The following IMMP2L variants were observed in gnomAD, a reference collection of about 807,000 sequenced individuals.
IMMP2L encodes the protein inner mitochondrial membrane peptidase subunit 2.
IMMP2L carries 18 observed loss-of-function variants against 19.3 expected under a neutral mutation model. The observed-to-expected ratio is 0.93, with a 90% CI of 0.64 to 1.38. The LOEUF is 1.38. Ranked by LOEUF, IMMP2L falls within the 40% of genes most tolerant of loss-of-function variation. The probability of loss-of-function intolerance (pLI) is 0.00; values close to 1 mark genes in which losing one functional copy is unlikely to be tolerated. For synonymous variants in IMMP2L, 76 were observed against 73.0 expected, an observed-to-expected ratio of 1.04 and a Z score of -0.21; for missense variants, 233 against 218.2, an observed-to-expected ratio of 1.07 and a Z score of -0.43.
chr7:110,976,985 A>G (rs1820764649), intron 3 of IMMP2L, among the ~76,000 whole-genome samples: 1 of 152,036 alleles, frequency 6.6e-6, no homozygotes, highest in South Asian at 2.1e-4. Flanking sequence ...AGTATGAAGC[A>G]TCATAACTCT....
chr7:111,002,410 AAAT>A (rs1823808425), intron 3 of IMMP2L, among the ~76,000 whole-genome samples: 1 of 152,176 alleles, frequency 6.6e-6, no homozygotes, highest in Admixed American at 6.6e-5. Flanking sequence ...CAAATTCCTC[AAAT>A]AAAGAGATGA....
intron 2 of IMMP2L, among the ~76,000 whole-genome samples, chr7:111,500,551 T>A (rs1164485012): frequency 6.6e-6 from 1 of 152,126 alleles, no homozygotes; most frequent in Non-Finnish European, 1.5e-5. Flanking sequence ...ATGGGAGGCA[T>A]CCGCCAGTAC....
intron 3 of IMMP2L, among the ~76,000 whole-genome samples, chr7:111,234,083 G>A (rs948059855): frequency 2.6e-5 from 4 of 151,910 alleles, no homozygotes; most frequent in African/African-American, 4.8e-5. Flanking sequence ...TTTAAGTATT[G>A]TTTTAGCTAC....
chr7:111,313,641 C>A (rs948438752), intron 3 of IMMP2L, among the ~76,000 whole-genome samples: 1 of 151,950 alleles, frequency 6.6e-6, no homozygotes, highest in African/African-American at 2.4e-5. Context: ...GTGACAAATC[C>A]CAGAGTTACA....
intron 3 of IMMP2L, among the ~76,000 whole-genome samples, chr7:110,984,485 A>G (rs1334051253): frequency 6.6e-6 from 1 of 152,100 alleles, no homozygotes. Flanking sequence ...CTAATAATTT[A>G]CGTTGCATAA....
At position 111,387,424 on chromosome 7, in the gene IMMP2L, G is replaced by A. The variant is rs147095279; in HGVS notation, c.239+99814C>T. ...CACAAAATTATTGGACTCAATAACT[G>A]TTCTCATTATTGCAAACCAATAAAC... On this transcript the variant is annotated intron_variant, in intron 3 of 5. Coordinates refer to ENST00000405709, the MANE Select transcript of IMMP2L (RefSeq NM_032549.4). 2.8e-3 allele frequency among the ~76,000 whole-genome samples: 424 copies of A among 152,166 alleles called. 1 individual carries two copies. The highest frequency in any genetic ancestry group is 9.6e-3 in the African/African-American group (397 of 41,528).
intron 3 of IMMP2L, among the ~76,000 whole-genome samples, chr7:111,329,670 C>G (rs1359160784): frequency 1.3e-5 from 2 of 151,768 alleles, no homozygotes; most frequent in Non-Finnish European, 2.9e-5. Flanking sequence ...ACAGCTAAAA[C>G]AACAGGAGAG....
Position 110,762,241 on chromosome 7 carries a change from C to A in IMMP2L, c.409-98520G>T, listed in dbSNP as rs555555858. Among the ~76,000 whole-genome samples the A allele has an allele frequency of 1.2e-4, 18 of 151,962 alleles. 1 individual carries two copies. In the East Asian group the frequency reaches 3.5e-3, roughly 29 times the overall value. ...GGAAAGAGACTTCTGGTAAATGTAT[C>A]ACTTTTTTTTTTTCCCCATCGGCAA... is the stretch of plus-strand genomic sequence containing the variant. On this transcript the variant is annotated intron_variant, in intron 5 of 5. Transcript: ENST00000405709.
chr7:110,853,204 C>CA (rs566376648), intron 5 of IMMP2L, among the ~76,000 whole-genome samples: 6 of 151,760 alleles, frequency 4.0e-5, no homozygotes, highest in African/African-American at 1.2e-4. Flanking sequence ...CACAAATGCA[C>CA]AAAAAATCAT....
rs539323819 is a variant in IMMP2L, at chr7:110,788,806, A to G, written c.408+97787T>C. 2.2e-4 allele frequency among the ~76,000 whole-genome samples: 34 copies of G among 151,892 alleles called. No individual in the cohort carries two copies. The South Asian group carries it at 7.0e-3, about 31-fold the overall frequency. On this transcript the variant is annotated intron_variant, in intron 5 of 5. Transcript: ENST00000405709. ...TCCCATCTTGCTTGCTCTTCTTGCA[A>G]TGTGACCTTGACATGTCTCCCATCA...
chr7:110,852,738 G>T (rs964575428), intron 5 of IMMP2L, among the ~76,000 whole-genome samples: 3 of 151,986 alleles, frequency 2.0e-5, no homozygotes, highest in Admixed American at 1.3e-4. Context: ...GTAGAACCAT[G>T]AAATATTCAT....
At chr7:111,513,906 A>G (rs1226735047) in intron 2 of IMMP2L, among the ~76,000 whole-genome samples, 1 of 152,048 alleles carries the variant, frequency 6.6e-6, no homozygotes, top group Non-Finnish European at 1.5e-5. Flanking sequence ...CCTAGAGAAC[A>G]TTATGTTAAA....
At position 110,701,961 on chromosome 7, in the gene IMMP2L, G is replaced by C. The variant is rs974350042; in HGVS notation, c.409-38240C>G. On this transcript the variant is annotated intron_variant, in intron 5 of 5. Transcript: ENST00000405709. ...TATTTTTATTTTTTTTCTTGAGACA[G>C]TGTCTCACTCTGTCATCTAGACTGG... 4.6e-5 allele frequency among the ~76,000 whole-genome samples: 7 copies of C among 151,866 alleles called. No homozygotes were observed. The South Asian group carries it at 1.5e-3, about 32-fold the overall frequency.
intron 5 of IMMP2L, among the ~76,000 whole-genome samples, chr7:110,885,579 T>C (rs1030758252): frequency 5.3e-5 from 8 of 152,026 alleles, no homozygotes; most frequent in Admixed American, 2.0e-4. Flanking sequence ...CTCAATTCTA[T>C]GGAGTACAAG....
chr7:110,991,157 A>G (rs1822410088), intron 3 of IMMP2L, among the ~76,000 whole-genome samples: 1 of 152,174 alleles, frequency 6.6e-6, no homozygotes, highest in South Asian at 2.1e-4. Context: ...AATAAATGAT[A>G]ATGCTCTGAA....
At chr7:111,442,808 G>T (rs1000438436) in intron 3 of IMMP2L, among the ~76,000 whole-genome samples, 4 of 151,868 alleles carry the variant, frequency 2.6e-5, no homozygotes, top group African/African-American at 7.3e-5. Flanking sequence ...AGAGTAAGTG[G>T]TTTTAAGATT....
chr7:110,703,982 A>G (rs1794470019), intron 5 of IMMP2L, among the ~76,000 whole-genome samples: 1 of 151,758 alleles, frequency 6.6e-6, no homozygotes, highest in Admixed American at 6.6e-5. Context: ...AGTAGCTGGG[A>G]CTACAGGAGC....
chr7:110,757,849 G>T lies in IMMP2L; in HGVS notation c.409-94128C>A, dbSNP rs1161444469. On this transcript the variant is annotated intron_variant, in intron 5 of 5. Coordinates refer to ENST00000405709, the MANE Select transcript of IMMP2L (RefSeq NM_032549.4). The surrounding 1 kb of genome is among the most constrained non-coding windows in gnomAD (Gnocchi z 4.2). Reference sequence around the variant, plus strand: ...GCAGCACTGGAGTAGACTCCTGAAAGTGGGGAGGGGAAGCCATGCAGCTGT... The same window carrying T: ...GCAGCACTGGAGTAGACTCCTGAAATTGGGGAGGGGAAGCCATGCAGCTGT... Among the ~76,000 whole-genome samples, 1 of 152,110 alleles carries T rather than the reference G, an allele frequency of 6.6e-6. No individual in the cohort carries two copies. Among genetic ancestry groups the T allele is most frequent in the Non-Finnish European group, 1.5e-5 (1 of 68,010 alleles).
intron 3 of IMMP2L, among the ~76,000 whole-genome samples, chr7:111,342,856 G>T (rs1224907296): frequency 6.6e-6 from 1 of 151,954 alleles, no homozygotes; most frequent in African/African-American, 2.4e-5. Context: ...AAAGTTATAT[G>T]ATTTCTTTAA....
Sources: allele counts gnomAD v4.1 joint callset (sites outside exome capture counted in the v4.1 genomes callset), GRCh38; gene constraint gnomAD v4.1.1; non-coding constraint Gnocchi (gnomAD v3.1); transcripts MANE v1.5; gene names NCBI Gene and HGNC (gene_info 2026-07-23, HGNC 2026-07-21).